GPR149: variants seen among roughly 807,000 people sequenced by gnomAD.
The protein encoded by GPR149 is probable G protein-coupled receptor 149.
Under a neutral mutation model 50.2 loss-of-function variants are expected in GPR149, and 50 were observed. That is an observed-to-expected ratio of 1.00 (90% CI 0.79 to 1.26). The LOEUF (loss-of-function observed/expected upper bound fraction) is 1.26, where lower values mean the gene tolerates loss of function less well. Ranked by LOEUF, GPR149 falls within the 50% of genes most tolerant of loss-of-function variation. The probability of loss-of-function intolerance (pLI) is 0.00; values close to 1 mark genes in which losing one functional copy is unlikely to be tolerated. For synonymous variants in GPR149, 405 were observed against 358.2 expected (o/e 1.13, Z -1.48); for missense variants, 983 against 895.4 (o/e 1.10, Z -1.25).
intron 3 of GPR149, among the ~76,000 whole-genome samples, chr3:154,404,572 G>C (rs1237010352): frequency 6.6e-6 from 1 of 152,148 alleles, no homozygotes. Context: ...GAGGGGAATA[G>C]ATTTAAACTC....
chr3:154,341,636 A>G (rs1713801485), intron 3 of GPR149, among the ~76,000 whole-genome samples: 1 of 152,044 alleles, frequency 6.6e-6, no homozygotes, highest in African/African-American at 2.4e-5. Context: ...TGAGAAAACT[A>G]TTTCGCAACT....
At position 154,357,301 on chromosome 3, in the gene GPR149, C is replaced by A. The variant is rs542616800; in HGVS notation, c.1624-19030G>T. ...GGACTTCATGTCTAAAACACCAAAACCAATGGCAACAAAAGCCAAAATTGA... is the reference window on the plus strand; with the variant it reads ...GGACTTCATGTCTAAAACACCAAAAACAATGGCAACAAAAGCCAAAATTGA... On this transcript the variant is annotated intron_variant, in intron 3 of 3. Coordinates refer to ENST00000389740, the MANE Select transcript of GPR149 (RefSeq NM_001038705.3). Among the ~76,000 whole-genome samples, 16 of 151,940 alleles carry A rather than the reference C, an allele frequency of 1.1e-4. No individual in the cohort carries two copies. The East Asian group carries it at 2.7e-3, about 26-fold the overall frequency.
chr3:154,373,364 T>A (rs939052737), intron 3 of GPR149, among the ~76,000 whole-genome samples: 5 of 152,138 alleles, frequency 3.3e-5, no homozygotes, highest in African/African-American at 9.7e-5. Context: ...ATGGAATCAA[T>A]GCAAAGATGA....
intron 3 of GPR149, among the ~76,000 whole-genome samples, chr3:154,355,838 T>A (rs1010243643): frequency 8.5e-5 from 13 of 152,228 alleles, no homozygotes; most frequent in African/African-American, 2.4e-4. Context: ...AATGATATAT[T>A]TTCATTCGTA....
intron 3 of GPR149, among the ~76,000 whole-genome samples, chr3:154,400,136 G>A (rs1242374790): frequency 4.0e-5 from 6 of 151,756 alleles, no homozygotes; most frequent in East Asian, 1.9e-4. Context: ...ATAGGCGCCC[G>A]CCACTGCGCC....
intron 3 of GPR149, chr3:154,353,915 G>T (rs1306444111): frequency 1.9e-6 from 1 of 532,992 alleles, no homozygotes; most frequent in African/African-American, 1.9e-5. Flanking sequence ...ACGGAAATAG[G>T]AGAAAGCTCT....
At chr3:154,365,675 T>C (rs373426386) in intron 3 of GPR149, among the ~76,000 whole-genome samples, 3 of 152,200 alleles carry the variant, frequency 2.0e-5, no homozygotes, top group African/African-American at 4.8e-5. Context: ...TCTTAGTTCA[T>C]GGCCCTTAAA....
chr3:154,346,018 T>A (rs1294188413), intron 3 of GPR149, among the ~76,000 whole-genome samples: 1 of 152,190 alleles, frequency 6.6e-6, no homozygotes, highest in East Asian at 1.9e-4. Context: ...TTAAAAGAAA[T>A]CTGCTCTAGC....
chr3:154,352,408 A>T (rs1714102335), intron 3 of GPR149: 5 of 967,862 alleles, frequency 5.2e-6, no homozygotes, highest in Non-Finnish European at 8.3e-6. Flanking sequence ...GAATCGTGCC[A>T]CACTGCCTGT....
intron 3 of GPR149, among the ~76,000 whole-genome samples, chr3:154,414,521 T>A (rs1264329479): frequency 1.3e-5 from 2 of 151,942 alleles, no homozygotes; most frequent in South Asian, 2.1e-4. Context: ...AAGCATAATA[T>A]CTTCATAACC....
rs570026624 is a variant in GPR149, at chr3:154,429,548, G to A, written c.68C>T (p.Thr23Met). 456 of 1,613,670 alleles carry A rather than the reference G, an allele frequency of 2.8e-4. 4 individuals carry two copies. In the South Asian group the frequency reaches 4.3e-3, roughly 15 times the overall value. The stretch of plus-strand genomic sequence containing the variant: ...GGTTCCTGGCGGATTTAAAAGGTCC[G>A]TAGAATTATGATTCTCTTTCCACAG... ...SSLWKENHNS[T>M]DLLNPPGTLN... The change falls in exon 1 of 4, where the codon ACG (threonine) becomes ATG (methionine). Residue 23 changes from threonine (T) to methionine (M), a missense_variant. By Grantham distance (81) the Thr-to-Met change is moderately conservative. Transcript: ENST00000389740.
chr3:154,417,814 A>T (rs1473025014), intron 3 of GPR149, among the ~76,000 whole-genome samples: 1 of 152,146 alleles, frequency 6.6e-6, no homozygotes, highest in Non-Finnish European at 1.5e-5. Flanking sequence ...GCTGAAGAAA[A>T]GGGTAAGAAT....
intron 3 of GPR149, among the ~76,000 whole-genome samples, chr3:154,413,722 C>T (rs577415412): frequency 1.5e-4 from 23 of 151,650 alleles, no homozygotes; most frequent in Non-Finnish European, 2.5e-4. Flanking sequence ...TAAACTAGTA[C>T]AACCACTATA....
intron 3 of GPR149, among the ~76,000 whole-genome samples, chr3:154,343,874 G>A (rs1156572689): frequency 1.3e-5 from 2 of 152,014 alleles, no homozygotes; most frequent in Admixed American, 1.3e-4. Flanking sequence ...AGCTACTGCG[G>A]AGGCTGAGGT....
At chr3:154,395,676 G>T (rs1715274014) in intron 3 of GPR149, among the ~76,000 whole-genome samples, 1 of 151,994 alleles carries the variant, frequency 6.6e-6, no homozygotes. Context: ...TGTGCCTGTA[G>T]TTCCAGCTGC....
intron 3 of GPR149, chr3:154,352,236 C>T (rs1576901173): frequency 1.2e-6 from 1 of 867,084 alleles, no homozygotes; most frequent in East Asian, 2.5e-5. Flanking sequence ...CCCTTGTCGA[C>T]TCTGTCTACC....
chr3:154,366,427 G>T (rs887046620), intron 3 of GPR149, among the ~76,000 whole-genome samples: 4 of 152,204 alleles, frequency 2.6e-5, no homozygotes, highest in African/African-American at 9.6e-5. Context: ...TTTGGTGGGG[G>T]AAATTTGCAT....
chr3:154,389,915 T>A (rs1220428327), intron 3 of GPR149, among the ~76,000 whole-genome samples: 2 of 152,180 alleles, frequency 1.3e-5, no homozygotes, highest in African/African-American at 4.8e-5. Context: ...TTTTCTCTTG[T>A]GAGGGAAGAA....
Position 154,428,963 on chromosome 3 carries a change from C to A in GPR149, c.653G>T (p.Cys218Phe), listed in dbSNP as rs1712398040. Residue 218 changes from cysteine (C) to phenylalanine (F), a missense_variant, in exon 1 of 4, where the codon TGT becomes TTT. By Grantham distance (205) the Cys-to-Phe change is radical. Transcript: ENST00000389740. Reference protein sequence around the residue: ...LSVPLTHRLLCSEEPPRLHSN... With the variant: ...LSVPLTHRLLFSEEPPRLHSN... ...GTGGAGTCTCGGCGGCTCCTCCGAACACAGCAATCGGTGAGTGAGTGGGAC... is the reference window on the plus strand; with the variant it reads ...GTGGAGTCTCGGCGGCTCCTCCGAAAACAGCAATCGGTGAGTGAGTGGGAC... The A allele has an allele frequency of 1.2e-6, 2 of 1,613,952 alleles. No individual in the cohort carries two copies. The highest frequency in any genetic ancestry group is 3.3e-5 in the Admixed American group (2 of 60,006).
Sources: gnomAD v4.1 joint callset for allele counts (sites outside exome capture counted in the v4.1 genomes callset) on GRCh38, gnomAD v4.1.1 for gene constraint, MANE v1.5 for transcripts, NCBI Gene and HGNC (gene_info 2026-07-23, HGNC 2026-07-21) for gene names.